Variants in CCDC149 observed in about 807,000 individuals in gnomAD.
CCDC149 encodes the protein coiled-coil domain containing 149.
A neutral mutation model predicts 59.9 loss-of-function variants in CCDC149; 45 were observed. The observed-to-expected ratio is 0.75, with a 90% confidence interval of 0.59 to 0.96. The LOEUF is 0.96. Ranked by LOEUF, CCDC149 falls within the 40% of genes least tolerant of loss-of-function variation. The pLI, the probability that CCDC149 is intolerant of heterozygous loss-of-function variation, is 0.00. For missense variants in CCDC149, 584 were observed against 664.7 expected (o/e 0.88, Z 1.33); for synonymous variants, 245 against 260.6 (o/e 0.94, Z 0.58).
intron 4 of CCDC149, among the ~76,000 whole-genome samples, chr4:24,842,095 G>C (rs529977870): frequency 8.5e-5 from 13 of 152,286 alleles, no homozygotes; most frequent in African/African-American, 3.1e-4. Flanking sequence ...CAATTTCAAA[G>C]GACCATCAGG....
intron 1 of CCDC149, among the ~76,000 whole-genome samples, chr4:24,949,382 C>T (rs1723209218): frequency 7.2e-6 from 1 of 139,370 alleles, no homozygotes; most frequent in Non-Finnish European, 1.5e-5. Flanking sequence ...CAGAAAGACA[C>T]TTCCAGCTTC....
intron 1 of CCDC149, among the ~76,000 whole-genome samples, chr4:24,928,889 G>A (rs1021413264): frequency 2.6e-5 from 4 of 152,120 alleles, no homozygotes; most frequent in South Asian, 4.1e-4. Context: ...GACAGGCGGG[G>A]CAGCACACTT....
chr4:24,912,158 G>A (rs1374106300), intron 1 of CCDC149, among the ~76,000 whole-genome samples: 6 of 152,184 alleles, frequency 3.9e-5, no homozygotes, highest in African/African-American at 1.4e-4. Flanking sequence ...GGACCCCCAG[G>A]GTATGTTTAT....
At chr4:24,922,990 T>A (rs1362701194) in intron 1 of CCDC149, among the ~76,000 whole-genome samples, 2 of 152,186 alleles carry the variant, frequency 1.3e-5, no homozygotes, top group South Asian at 4.1e-4. Context: ...ACATACAGAT[T>A]CTGCTAAACT....
intron 4 of CCDC149, among the ~76,000 whole-genome samples, chr4:24,838,625 C>T (rs1184185828): frequency 6.6e-6 from 1 of 152,016 alleles, no homozygotes; most frequent in Non-Finnish European, 1.5e-5. Context: ...CTCCCACACT[C>T]GTAACAATGA....
intron 3 of CCDC149, among the ~76,000 whole-genome samples, chr4:24,861,709 T>C (rs1177047618): frequency 1.3e-5 from 2 of 152,104 alleles, no homozygotes; most frequent in African/African-American, 4.8e-5. Context: ...GCAATGACCA[T>C]GATGTTAAGG....
intron 1 of CCDC149, 66 bp downstream of exon 1, chr4:24,912,751 G>C: frequency 8.8e-7 from 1 of 1,132,506 alleles, no homozygotes; most frequent in Non-Finnish European, 1.1e-6. Context: ...CTCTCTGGGG[G>C]CGCGGGCCCG....
At chr4:24,805,273 G>C (rs1386554072), downstream of CCDC149, among the ~76,000 whole-genome samples, 2 of 152,126 alleles carry the variant, frequency 1.3e-5, no homozygotes, top group Non-Finnish European at 2.9e-5. Context: ...AATAATGGAA[G>C]GACAAACACG....
chr4:24,852,287 T>TACACACACAC lies in CCDC149; in HGVS notation c.372+775_372+784dup, dbSNP rs768071017. On this transcript the variant is annotated intron_variant, in intron 4 of 12. Coordinates refer to ENST00000635206, the MANE Select transcript of CCDC149 (RefSeq NM_001330643.2). ...AGAACTGCTCCCCTCCAACACACCA[T>TACACACACAC]ACACACACACACACACACACACACA... is the stretch of plus-strand genomic sequence containing the variant. Among the ~76,000 whole-genome samples the TACACACACAC allele has an allele frequency of 7.9e-3, 956 of 121,326 alleles. 7 individuals carry two copies. The highest frequency in any genetic ancestry group is 0.011 in the Non-Finnish European group (662 of 58,858). The allele number at this position is 121,326 out of a possible 152,430, so 79.6% of individuals were successfully genotyped here. A position where few individuals can be genotyped will look rare whatever the true frequency, so the allele number is the denominator to read the frequency against.
chr4:24,851,752 C>G (rs1279266059), intron 4 of CCDC149, among the ~76,000 whole-genome samples: 2 of 152,038 alleles, frequency 1.3e-5, no homozygotes, highest in Admixed American at 6.6e-5. Context: ...ATCTTGCCCT[C>G]CTGCTATCAC....
At chr4:24,890,572 AC>A (rs1436286358) in intron 1 of CCDC149, among the ~76,000 whole-genome samples, 23 of 152,226 alleles carry the variant, frequency 1.5e-4, no homozygotes, top group Admixed American at 1.5e-3. Flanking sequence ...CCATTTGAAG[AC>A]AGAAAACAAT....
chr4:24,924,597 C>G (rs988972131), intron 1 of CCDC149, among the ~76,000 whole-genome samples: 13 of 152,204 alleles, frequency 8.5e-5, no homozygotes, highest in Non-Finnish European at 1.5e-4. Flanking sequence ...AAATGCCTTA[C>G]ATGTGGTCTC....
intron 1 of CCDC149, among the ~76,000 whole-genome samples, chr4:24,957,120 A>G (rs374949081): frequency 6.6e-6 from 1 of 152,254 alleles, no homozygotes; most frequent in Non-Finnish European, 1.5e-5. Context: ...AGCTCCTGGC[A>G]TACAACTGGG....
At chr4:24,897,805 TAGG>T (rs1176532551) in intron 1 of CCDC149, among the ~76,000 whole-genome samples, 2 of 152,082 alleles carry the variant, frequency 1.3e-5, no homozygotes, top group Admixed American at 1.3e-4. Context: ...AGAAGGTAAC[TAGG>T]AGGTTCTCAG....
intron 1 of CCDC149, among the ~76,000 whole-genome samples, chr4:24,950,035 T>C (rs1723238226): frequency 6.6e-6 from 1 of 152,186 alleles, no homozygotes; most frequent in South Asian, 2.1e-4. Flanking sequence ...GCTGAAACCA[T>C]CTGTGTGTAA....
intron 7 of CCDC149, 30 bp from the exon 8 acceptor site, chr4:24,835,062 C>T (rs1249802724): frequency 6.4e-7 from 1 of 1,556,922 alleles, no homozygotes; most frequent in African/African-American, 1.4e-5. Context: ...GAATAAAAAC[C>T]CGTCAGAAAA....
At chr4:24,972,369 GCCAT>G (rs1397154451) in intron 1 of CCDC149, among the ~76,000 whole-genome samples, 1 of 149,728 alleles carries the variant, frequency 6.7e-6, no homozygotes, top group Non-Finnish European at 1.5e-5. Flanking sequence ...GTGCAGTGGT[GCCAT>G]CTCAGCTCAC....
intron 1 of CCDC149, among the ~76,000 whole-genome samples, chr4:24,884,305 G>A (rs942792532): frequency 9.8e-5 from 15 of 152,324 alleles, no homozygotes; most frequent in Middle Eastern, 3.4e-3. Flanking sequence ...ATTCAGTACA[G>A]GCATATGCTG....
intron 1 of CCDC149, among the ~76,000 whole-genome samples, chr4:24,947,256 C>A (rs1404908607): frequency 1.3e-5 from 2 of 152,120 alleles, no homozygotes; most frequent in Non-Finnish European, 2.9e-5. Flanking sequence ...GTAATTTAGT[C>A]ATGGGGGTGG....
Sources: gnomAD v4.1 joint callset for allele counts (sites outside exome capture counted in the v4.1 genomes callset) on GRCh38, gnomAD v4.1.1 for gene constraint, MANE v1.5 for transcripts, NCBI Gene and HGNC (gene_info 2026-07-23, HGNC 2026-07-21) for gene names.